The following SEL1L3 variants were observed in gnomAD, a reference collection of about 807,000 sequenced individuals.
SEL1L3 encodes the protein protein sel-1 homolog 3.
Under a neutral mutation model 142.8 loss-of-function variants are expected in SEL1L3, and 76 were observed. The ratio of observed to expected loss-of-function variants is 0.53; its 90% CI spans 0.44 to 0.64. The LOEUF (loss-of-function observed/expected upper bound fraction) is 0.64. Among genes scored for constraint, SEL1L3 ranks in the 30% least tolerant of loss-of-function variants. SEL1L3 has a pLI of 0.00. For missense variants in SEL1L3, 1,262 were observed against 1,381.7 expected, an observed-to-expected ratio of 0.91 and a Z score of 1.37; for synonymous variants, 504 against 519.6, an observed-to-expected ratio of 0.97 and a Z score of 0.41.
chr4:25,771,747 G>T (rs1055188009), intron 17 of SEL1L3, among the ~76,000 whole-genome samples: 2 of 152,206 alleles, frequency 1.3e-5, no homozygotes, highest in Non-Finnish European at 2.9e-5. Flanking sequence ...AATAAAACAT[G>T]TAGCTTGCAG....
In SEL1L3 at chr4:25,757,741, A is replaced by G; in HGVS notation, c.3133T>C (p.Trp1045Arg). 1 of 1,598,038 alleles carries G rather than the reference A, an allele frequency of 6.3e-7. No homozygotes were observed. ...AGAAGCCGCAAGTGCAGGTAAAGCC[A>G]GGCCAAGGAGCAGGGGCTGAAGGAC... ...EESFSPCSLA[W>R]LYLHLRLLWG... The change falls in exon 22 of 24, where the codon TGG becomes CGG. Residue 1045 changes from tryptophan to arginine, a missense_variant. Coordinates refer to ENST00000399878, the MANE Select transcript of SEL1L3 (RefSeq NM_015187.5).
chr4:25,796,878 AAAG>A (rs1712798591), intron 11 of SEL1L3, among the ~76,000 whole-genome samples: 1 of 152,026 alleles, frequency 6.6e-6, no homozygotes, highest in Non-Finnish European at 1.5e-5. Context: ...GAAAAAAAAA[AAAG>A]AAGAAAGGTA....
Position 25,762,974 on chromosome 4 carries a change from CA to C in SEL1L3, c.2955+2351del, listed in dbSNP as rs34744540. The stretch of plus-strand genomic sequence containing the variant: ...CTGGCGACAGAGTGAGACTCTGTGT[CA>C]AAAAAAAAAAAAAAAAGTGACAGGC... On this transcript the variant is annotated intron_variant, in intron 20 of 23. Transcript: ENST00000399878. Among the ~76,000 whole-genome samples, 635 of 112,864 alleles carry C rather than the reference CA, an allele frequency of 5.6e-3. 3 individuals carry two copies. The highest frequency in any genetic ancestry group is 0.016 in the East Asian group (62 of 3,912). The allele number at this position is 112,864 out of a possible 152,430, so 74.0% of individuals were successfully genotyped here. A position where few individuals can be genotyped will look rare whatever the true frequency, so the allele number is the denominator to read the frequency against.
intron 21 of SEL1L3, 21 bp downstream of exon 21, chr4:25,758,920 T>G: frequency 6.8e-6 from 11 of 1,610,600 alleles, no homozygotes; most frequent in Non-Finnish European, 9.3e-6. Context: ...GATTCCACAG[T>G]TCTAGAGGCT....
chr4:25,780,731 A>G (rs1164761697), intron 15 of SEL1L3, among the ~76,000 whole-genome samples: 3 of 147,102 alleles, frequency 2.0e-5, no homozygotes, highest in Admixed American at 6.8e-5. Context: ...ATATATAAAT[A>G]ATATATATAA....
chr4:25,798,670 A>C (rs1252377477), intron 11 of SEL1L3, among the ~76,000 whole-genome samples: 3 of 152,194 alleles, frequency 2.0e-5, no homozygotes, highest in Admixed American at 6.5e-5. Flanking sequence ...TTCCCTAAAA[A>C]TACAAAAATT....
rs762173931 is a variant in SEL1L3 at position 25,756,877 on chromosome 4, C to T, written c.3259+657G>A. 283 of 1,283,742 alleles carry T rather than the reference C, an allele frequency of 2.2e-4. 1 individual carries two copies. The highest frequency in any genetic ancestry group is 1.1e-3 in the Middle Eastern group (5 of 4,686). The allele number at this position is 1,283,742 out of a possible 1,614,324, so 79.5% of individuals were successfully genotyped here. A position where few individuals can be genotyped will look rare whatever the true frequency, so the allele number is the denominator to read the frequency against. On this transcript the variant is annotated intron_variant, in intron 23 of 23. Transcript: ENST00000399878. ...GACTTCATGCTGCCAGGAGCTTTGG[C>T]GCTGTGTTTTCAGGCACACAGAGGC...
At chr4:25,732,136 T>C in the SEL1L3 span, among the ~76,000 whole-genome samples, 2 of 152,004 alleles carry the variant, frequency 1.3e-5, no homozygotes, top group African/African-American at 4.8e-5. Flanking sequence ...CTGTAAACAT[T>C]GGTGTACACG....
chr4:25,808,943 A>G (rs60950850), intron 9 of SEL1L3, among the ~76,000 whole-genome samples: 201 of 145,180 alleles, frequency 1.4e-3, no homozygotes, highest in Admixed American at 2.4e-3. Flanking sequence ...TGTGGTGGCG[A>G]GTGCCTGTAG....
At chr4:25,759,115 C>T in intron 20 of SEL1L3, 47 bp from the exon 21 acceptor site, 1 of 1,593,838 alleles carries the variant, frequency 6.3e-7, no homozygotes, top group East Asian at 2.2e-5. Flanking sequence ...TGAAATAAAA[C>T]CTAGACACAC....
intron 6 of SEL1L3, among the ~76,000 whole-genome samples, chr4:25,823,516 AAAT>A (rs201989164): frequency 0.012 from 1,783 of 152,294 alleles, 46 homozygotes; most frequent in African/African-American, 0.04. Context: ...CTCCATGTCA[AAAT>A]AATAATAACA....
At chr4:25,786,868 C>T (rs1263706785) in intron 13 of SEL1L3, among the ~76,000 whole-genome samples, 1 of 152,166 alleles carries the variant, frequency 6.6e-6, no homozygotes, top group Non-Finnish European at 1.5e-5. Context: ...GGTTTTCAGG[C>T]TTTGATAGGG....
chr4:25,758,876 C>A, intron 21 of SEL1L3, 65 bp downstream of exon 21: 1 of 1,510,450 alleles, frequency 6.6e-7, no homozygotes, highest in Admixed American at 2.1e-5. Context: ...TAACTTTAAC[C>A]AAGAAGCGAA....
chr4:25,834,888 T>A (rs1715694321), intron 3 of SEL1L3, among the ~76,000 whole-genome samples: 1 of 152,198 alleles, frequency 6.6e-6, no homozygotes, highest in Non-Finnish European at 1.5e-5. Context: ...AAGGCTGCAA[T>A]GTGTGCTGGC....
In SEL1L3 at chr4:25,778,274, A is replaced by T. The variant is rs372076852; in HGVS notation, c.2585+802T>A. On this transcript the variant is annotated intron_variant, in intron 16 of 23. Coordinates refer to ENST00000399878, the MANE Select transcript of SEL1L3 (RefSeq NM_015187.5). ...CATAATGATGACAGTTAATCTCAGC[A>T]TGACAGCATTGTCCTGAACAAAGAC... Among the ~76,000 whole-genome samples, 112 of 152,348 alleles carry T rather than the reference A, an allele frequency of 7.4e-4. 1 individual carries two copies. Among genetic ancestry groups the T allele is most frequent in the African/African-American group, 2.6e-3 (110 of 41,590 alleles).
At chr4:25,719,974 T>C in the SEL1L3 span, 3 of 152,206 alleles carry the variant, frequency 2.0e-5, no homozygotes, top group Admixed American at 6.5e-5. Flanking sequence ...GATAGACTAA[T>C]ACTCCTAGTA....
At chr4:25,795,156 G>A (rs1022021496) in intron 11 of SEL1L3, among the ~76,000 whole-genome samples, 44 of 147,964 alleles carry the variant, frequency 3.0e-4, no homozygotes, top group African/African-American at 1.0e-3. Context: ...CATGGCACAC[G>A]TTTACCTATG....
In SEL1L3 at chr4:25,756,753, G is replaced by A. The variant is rs910895852; in HGVS notation, c.3259+781C>T. 14 of 1,147,434 alleles carry A rather than the reference G, an allele frequency of 1.2e-5. No homozygotes were observed. The African/African-American group carries it at 2.1e-4, about 17-fold the overall frequency. 71.1% of individuals were successfully genotyped at this position (1,147,434 alleles called of 1,614,324 possible). A position where few individuals can be genotyped will look rare whatever the true frequency, so the allele number is the denominator to read the frequency against. ...ATGCCCACTTTACGATTCCTGCTCA[G>A]TCCCTCCCTCTGAGTCCGTGTGGCC... On this transcript the variant is annotated intron_variant, in intron 23 of 23. Transcript: ENST00000399878.
intron 5 of SEL1L3, 58 bp from the exon 6 acceptor site, chr4:25,830,214 G>T (rs1715348381): frequency 1.9e-6 from 2 of 1,072,144 alleles, no homozygotes; most frequent in Non-Finnish European, 2.9e-6. Context: ...CATTACCTAT[G>T]CAGTCCTTTG....
Sources: gnomAD v4.1 joint callset for allele counts (sites outside exome capture counted in the v4.1 genomes callset) on GRCh38, gnomAD v4.1.1 for gene constraint, MANE v1.5 for transcripts, NCBI Gene and HGNC (gene_info 2026-07-23, HGNC 2026-07-21) for gene names.